SLC47A1: variants seen among roughly 807,000 people sequenced by gnomAD.
SLC47A1 encodes multidrug and toxin extrusion protein 1.
In SLC47A1, 58 loss-of-function variants were observed where a neutral mutation model predicts 65.8. The ratio of observed to expected loss-of-function variants is 0.88; its 90% CI spans 0.71 to 1.10. The LOEUF (loss-of-function observed/expected upper bound fraction) is 1.10, where lower values mean the gene tolerates loss of function less well. Ranked by LOEUF, SLC47A1 falls within the 50% of genes least tolerant of loss-of-function variation. The pLI is 0.00. For synonymous variants in SLC47A1, 285 were observed against 295.0 expected (o/e 0.97, Z 0.35); for missense variants, 706 against 719.2 (o/e 0.98, Z 0.21).
At chr17:19,572,934 G>A in intron 16 of SLC47A1, 73 bp downstream of exon 16, 1 of 1,269,884 alleles carries the variant, frequency 7.9e-7, no homozygotes, top group Non-Finnish European at 1.1e-6. Context: ...GTGAGACACA[G>A]CTAGATTTGC....
intron 2 of SLC47A1, among the ~76,000 whole-genome samples, chr17:19,543,206 T>C (rs112974940): frequency 1.5e-4 from 23 of 151,212 alleles, no homozygotes; most frequent in African/African-American, 5.3e-4. Context: ...GATTCCTGGG[T>C]TCAAGCAATT....
chr17:19,573,208 CT>C (rs1226730738), intron 16 of SLC47A1, among the ~76,000 whole-genome samples: 3 of 152,196 alleles, frequency 2.0e-5, no homozygotes, highest in Non-Finnish European at 4.4e-5. Flanking sequence ...CAGGCAGACA[CT>C]TGTGGGCTTT....
intron 1 of SLC47A1, among the ~76,000 whole-genome samples, chr17:19,537,722 G>A (rs916471048): frequency 2.0e-5 from 3 of 152,182 alleles, no homozygotes; most frequent in Non-Finnish European, 2.9e-5. Flanking sequence ...ATCTGAGCTT[G>A]TGCCTCCTGC....
At chr17:19,540,499 A>G (rs1916113848) in intron 1 of SLC47A1, among the ~76,000 whole-genome samples, 1 of 152,192 alleles carries the variant, frequency 6.6e-6, no homozygotes, top group Non-Finnish European at 1.5e-5. Flanking sequence ...CAATTTAAAG[A>G]GACACCAAGC....
intron 5 of SLC47A1, among the ~76,000 whole-genome samples, chr17:19,550,060 G>T (rs1432855973): frequency 6.6e-6 from 1 of 152,194 alleles, no homozygotes; most frequent in Non-Finnish European, 1.5e-5. Flanking sequence ...TTAAGCATGG[G>T]TTAATGTTTG....
Position 19,555,273 on chromosome 17 carries a change from ACTAT to A in SLC47A1, c.608_611del (p.Tyr203CysfsTer10). 1 of 1,614,226 alleles carries A rather than the reference ACTAT, an allele frequency of 6.2e-7. No homozygotes were observed. Among genetic ancestry groups the A allele is most frequent in the East Asian group, 2.2e-5 (1 of 44,870 alleles). On this transcript the variant is annotated frameshift_variant, in exon 7 of 17. Transcript: ENST00000270570. LOFTEE classifies it high-confidence loss of function. ...GCCAACCTTGTCAATGCCCTCGCCA[ACTAT>A]CTGTTTCTCCATCAACTGCATCTTG...
intron 1 of SLC47A1, 56 bp downstream of exon 1, chr17:19,534,130 T>C: frequency 6.9e-7 from 1 of 1,453,008 alleles, no homozygotes; most frequent in Non-Finnish European, 9.1e-7. Context: ...GACCTGGTGA[T>C]TTCTGCCTCC....
intron 14 of SLC47A1, among the ~76,000 whole-genome samples, chr17:19,567,460 C>T (rs142922458): frequency 1.4e-4 from 22 of 152,310 alleles, no homozygotes; most frequent in East Asian, 7.7e-4. Context: ...CGATCTTCCA[C>T]GCTGACACAC....
chr17:19,557,003 C>G lies in SLC47A1; in HGVS notation c.921+941C>G, dbSNP rs115228432. On this transcript the variant is annotated intron_variant, in intron 10 of 16. Transcript: ENST00000270570. ...GAGGAAATTTTGATCATAGAGAACA[C>G]TAGTCATTAGGAGGCTTTTCTTTGG... Among the ~76,000 whole-genome samples, 855 of 152,270 alleles carry G rather than the reference C, an allele frequency of 5.6e-3. 11 individuals are homozygous for G. Among genetic ancestry groups the G allele is most frequent in the African/African-American group, 0.02 (812 of 41,540 alleles).
At chr17:19,576,249 G>A (rs1041048883) in intron 16 of SLC47A1, among the ~76,000 whole-genome samples, 13 of 149,970 alleles carry the variant, frequency 8.7e-5, no homozygotes, top group African/African-American at 3.2e-4. Context: ...CATATCTTGG[G>A]GTGAAATTCT....
At chr17:19,571,596 G>A in intron 15 of SLC47A1, 24 bp downstream of exon 15, 1 of 1,582,126 alleles carries the variant, frequency 6.3e-7, no homozygotes. Flanking sequence ...TTCTGTCCCG[G>A]TAAAGGTTCC....
chr17:19,559,863 A>C (rs371552851), intron 10 of SLC47A1, among the ~76,000 whole-genome samples: 79 of 151,830 alleles, frequency 5.2e-4, no homozygotes, highest in East Asian at 2.3e-3. Flanking sequence ...AAAACAAAAA[A>C]AAAACAGACA....
intron 12 of SLC47A1, among the ~76,000 whole-genome samples, chr17:19,564,354 A>G (rs568300054): frequency 5.8e-4 from 89 of 152,330 alleles, no homozygotes; most frequent in African/African-American, 2.0e-3. Context: ...GTCTAAAAAA[A>G]AAAGTGAATA....
chr17:19,555,094 C>G, intron 6 of SLC47A1, 118 bp from the exon 7 acceptor site: 2 of 867,724 alleles, frequency 2.3e-6, no homozygotes, highest in Non-Finnish European at 3.9e-6. Context: ...GTTAAGCCCC[C>G]CAGCTATGCC....
In SLC47A1 at chr17:19,577,757, A is replaced by T. The variant is rs1032266342; in HGVS notation, c.*204A>T. The T allele has an allele frequency of 7.2e-7, 1 of 1,397,254 alleles. No individual in the cohort carries two copies. The highest frequency in any genetic ancestry group is 1.5e-5 in the South Asian group (1 of 65,320). The allele number at this position is 1,397,254 out of a possible 1,614,324, so 86.6% of individuals were successfully genotyped here. ...ATATTGTGGCCCAAGACACTGTCTG[A>T]AAGATGACATGAGTAGTAATTCACC... On this transcript the variant is annotated 3_prime_UTR_variant, in exon 17 of 17. Coordinates refer to ENST00000270570, the MANE Select transcript of SLC47A1 (RefSeq NM_018242.3).
At chr17:19,541,125 G>A (rs1597493410) in intron 1 of SLC47A1, among the ~76,000 whole-genome samples, 1 of 152,160 alleles carries the variant, frequency 6.6e-6, no homozygotes, top group African/African-American at 2.4e-5. Context: ...CCCTAAAAGA[G>A]GGACCTTTCT....
intron 14 of SLC47A1, among the ~76,000 whole-genome samples, chr17:19,569,157 A>G (rs983644275): frequency 2.0e-5 from 3 of 151,768 alleles, no homozygotes; most frequent in Non-Finnish European, 2.9e-5. Flanking sequence ...GGTTCACTTG[A>G]GGTTAAGAGT....
At chr17:19,567,060 AT>A in intron 13 of SLC47A1, 35 bp from the exon 14 acceptor site, 1 of 1,613,984 alleles carries the variant, frequency 6.2e-7, no homozygotes, top group Non-Finnish European at 8.5e-7. Flanking sequence ...AGAGCGCCGG[AT>A]GTGTTCACAG....
At chr17:19,549,285 G>A (rs1217808410) in intron 4 of SLC47A1, among the ~76,000 whole-genome samples, 1 of 151,358 alleles carries the variant, frequency 6.6e-6, no homozygotes, top group Non-Finnish European at 1.5e-5. Flanking sequence ...TGTAACCTCC[G>A]CCTCCTGGGT....
Sources: gnomAD v4.1 joint callset for allele counts (sites outside exome capture counted in the v4.1 genomes callset) on GRCh38, gnomAD v4.1.1 for gene constraint, MANE v1.5 for transcripts, NCBI Gene and HGNC (gene_info 2026-07-23, HGNC 2026-07-21) for gene names.